The following FSTL5 variants were observed in gnomAD, a reference collection of about 807,000 sequenced individuals.
The protein encoded by FSTL5 is follistatin-related protein 5.
Under a neutral mutation model 89.1 loss-of-function variants are expected in FSTL5, and 62 were observed. The observed-to-expected ratio is 0.70, with a 90% CI of 0.57 to 0.86. The LOEUF (loss-of-function observed/expected upper bound fraction) is 0.86, where lower values mean the gene tolerates loss of function less well. Ranked by LOEUF, FSTL5 falls within the 40% of genes least tolerant of loss-of-function variation. The pLI is 0.00. For synonymous variants in FSTL5, 383 were observed against 346.2 expected (o/e 1.11, Z -1.18); for missense variants, 1,057 against 1,001.6 (o/e 1.06, Z -0.75).
At chr4:161,507,702 T>A (rs2126495680) in intron 11 of FSTL5, among the ~76,000 whole-genome samples, 1 of 152,074 alleles carries the variant, frequency 6.6e-6, no homozygotes, top group East Asian at 1.9e-4. Context: ...TCCAAGTTTA[T>A]ATATTGATGA....
At chr4:161,433,335 A>G (rs72973184) in intron 15 of FSTL5, among the ~76,000 whole-genome samples, 2,708 of 152,230 alleles carry the variant, frequency 0.018, 80 homozygotes, top group African/African-American at 0.062. Context: ...ATGCTGAAAA[A>G]GCTTTTGATA....
At chr4:162,060,392 A>T (rs1738682247) in intron 2 of FSTL5, among the ~76,000 whole-genome samples, 1 of 152,278 alleles carries the variant, frequency 6.6e-6, no homozygotes, top group Admixed American at 6.5e-5. Context: ...CTATTTCTCT[A>T]ATATAATTTT....
chr4:161,439,261 T>C (rs933958517), intron 15 of FSTL5, among the ~76,000 whole-genome samples: 1 of 152,142 alleles, frequency 6.6e-6, no homozygotes, highest in Non-Finnish European at 1.5e-5. Flanking sequence ...AACAAACAAA[T>C]GGTGGCTATG....
At chr4:161,450,444 C>T (rs990108462) in intron 15 of FSTL5, among the ~76,000 whole-genome samples, 23 of 152,082 alleles carry the variant, frequency 1.5e-4, no homozygotes, top group East Asian at 5.8e-4. Flanking sequence ...ACAAGCATTT[C>T]GAAAACTGTT....
chr4:161,765,866 G>C (rs899149840), intron 5 of FSTL5, among the ~76,000 whole-genome samples: 5 of 151,550 alleles, frequency 3.3e-5, no homozygotes, highest in African/African-American at 1.2e-4. Flanking sequence ...CACAATCTCG[G>C]CTCACTGCAA....
intron 1 of FSTL5, among the ~76,000 whole-genome samples, chr4:162,121,358 G>C (rs1021699951): frequency 2.0e-5 from 3 of 151,880 alleles, no homozygotes; most frequent in African/African-American, 7.2e-5. Flanking sequence ...ACAACATATA[G>C]TGACTCATTT....
intron 5 of FSTL5, among the ~76,000 whole-genome samples, chr4:161,772,870 AAG>A (rs939606098): frequency 1.1e-4 from 17 of 152,140 alleles, no homozygotes; most frequent in Non-Finnish European, 2.5e-4. Context: ...GGAACCAAAA[AAG>A]AGCCTGCATA....
At chr4:161,806,094 G>A (rs1351547304) in intron 4 of FSTL5, among the ~76,000 whole-genome samples, 4 of 152,052 alleles carry the variant, frequency 2.6e-5, no homozygotes, top group African/African-American at 4.8e-5. Flanking sequence ...TGGAACATAT[G>A]CCCCATAGGT....
Position 162,033,574 on chromosome 4 carries a change from CT to C in FSTL5, c.160+50del, listed in dbSNP as rs1487448819. ...CAAAGTAGCATCACATATCTTTTTT[CT>C]TTCTGTTATGAACTTATATAATTGT... On this transcript the variant is annotated intron_variant, in intron 3 of 15. Coordinates refer to ENST00000306100, the MANE Select transcript of FSTL5 (RefSeq NM_020116.5). The C allele has an allele frequency of 5.2e-6, 5 of 953,730 alleles. No individual in the cohort carries two copies. The African/African-American group carries it at 8.4e-5, about 16-fold the overall frequency. The allele number at this position is 953,730 out of a possible 1,614,324, so 59.1% of individuals were successfully genotyped here. A position where few individuals can be genotyped will look rare whatever the true frequency, so the allele number is the denominator to read the frequency against.
chr4:161,933,322 T>C (rs1455711956), intron 3 of FSTL5, among the ~76,000 whole-genome samples: 3 of 152,096 alleles, frequency 2.0e-5, no homozygotes, highest in Non-Finnish European at 4.4e-5. Context: ...TTCTTTCCTC[T>C]GCCCACCTTC....
chr4:161,913,837 C>G (rs920484155), intron 4 of FSTL5, among the ~76,000 whole-genome samples: 1 of 152,186 alleles, frequency 6.6e-6, no homozygotes, highest in African/African-American at 2.4e-5. Context: ...GTATTTACCC[C>G]AATACCTGTA....
chr4:162,030,577 T>C (rs1737482069), intron 3 of FSTL5, among the ~76,000 whole-genome samples: 1 of 152,126 alleles, frequency 6.6e-6, no homozygotes. Context: ...AACTGAACTT[T>C]TTCGGTGGAT....
chr4:161,609,375 C>T (rs1734564156), intron 7 of FSTL5, among the ~76,000 whole-genome samples: 2 of 152,096 alleles, frequency 1.3e-5, no homozygotes, highest in Admixed American at 6.6e-5. Context: ...ATTTATCAGA[C>T]TTCCTTGGAT....
At chr4:162,020,904 T>C (rs1737059287) in intron 3 of FSTL5, among the ~76,000 whole-genome samples, 1 of 152,202 alleles carries the variant, frequency 6.6e-6, no homozygotes, top group Non-Finnish European at 1.5e-5. Flanking sequence ...AGTCACTTCA[T>C]GAAAGGTCCT....
intron 8 of FSTL5, among the ~76,000 whole-genome samples, chr4:161,581,179 CAGA>C (rs1733424936): frequency 6.6e-6 from 1 of 152,112 alleles, no homozygotes; most frequent in African/African-American, 2.4e-5. Context: ...CCAGAATTAC[CAGA>C]AGGTTTGTTA....
chr4:161,446,610 C>A (rs188214065), intron 15 of FSTL5, among the ~76,000 whole-genome samples: 6 of 151,936 alleles, frequency 3.9e-5, no homozygotes, highest in African/African-American at 1.4e-4. Context: ...TTTTTCTTCA[C>A]CAAAATTTTA....
intron 6 of FSTL5, 73 bp downstream of exon 6, chr4:161,759,338 G>T: frequency 7.2e-7 from 1 of 1,385,312 alleles, no homozygotes; most frequent in Non-Finnish European, 9.7e-7. Flanking sequence ...ATGAGAGCAA[G>T]CAAATAGACC....
chr4:161,662,330 G>A (rs912041246), intron 6 of FSTL5, among the ~76,000 whole-genome samples: 4 of 152,034 alleles, frequency 2.6e-5, no homozygotes, highest in African/African-American at 9.7e-5. Context: ...ATGAGAAGGA[G>A]CAGAAATAAC....
At chr4:161,853,511 A>G (rs1210804732) in intron 4 of FSTL5, among the ~76,000 whole-genome samples, 1 of 150,644 alleles carries the variant, frequency 6.6e-6, no homozygotes, top group African/African-American at 2.4e-5. Flanking sequence ...CAGGTGATAC[A>G]CCTGCCTCGG....
Sources: gnomAD v4.1 joint callset for allele counts (sites outside exome capture counted in the v4.1 genomes callset) on GRCh38, gnomAD v4.1.1 for gene constraint, MANE v1.5 for transcripts, NCBI Gene and HGNC (gene_info 2026-07-23, HGNC 2026-07-21) for gene names.